Variants in LIMCH1 observed in about 807,000 individuals in gnomAD.
LIMCH1 encodes the protein LIM and calponin homology domains-containing protein 1.
Under a neutral mutation model 176.5 loss-of-function variants are expected in LIMCH1, and 113 were observed. The observed-to-expected ratio is 0.64, with a 90% CI of 0.55 to 0.75. The LOEUF is 0.75. Ranked by LOEUF, LIMCH1 falls within the 30% of genes least tolerant of loss-of-function variation. The pLI is 0.00. For missense variants in LIMCH1, 1,674 were observed against 1,814.9 expected, an observed-to-expected ratio of 0.92 and a Z score of 1.41; for synonymous variants, 619 against 645.9, an observed-to-expected ratio of 0.96 and a Z score of 0.63.
At chr4:41,621,283 T>C (rs746374390) in intron 7 of LIMCH1, among the ~76,000 whole-genome samples, 1 of 152,174 alleles carries the variant, frequency 6.6e-6, no homozygotes, top group Admixed American at 6.5e-5. Flanking sequence ...CCAGTCCTGA[T>C]AGCTTCATAT....
intron 1 of LIMCH1, among the ~76,000 whole-genome samples, chr4:41,566,155 A>G (rs891015381): frequency 6.6e-6 from 1 of 152,182 alleles, no homozygotes; most frequent in African/African-American, 2.4e-5. Flanking sequence ...ATGGGTGGTC[A>G]TGTCACATTG....
chr4:41,561,759 A>T (rs1324748260), intron 1 of LIMCH1, among the ~76,000 whole-genome samples: 1 of 152,216 alleles, frequency 6.6e-6, no homozygotes, highest in Non-Finnish European at 1.5e-5. Flanking sequence ...GAATTTGATC[A>T]AAAAGAGACT....
chr4:41,699,904 A>G lies in LIMCH1; in HGVS notation c.*2719A>G, dbSNP rs1490409441. The G allele has an allele frequency of 1.3e-5, 2 of 152,242 alleles. No homozygotes were observed. The highest frequency in any genetic ancestry group is 2.9e-5 in the Non-Finnish European group (2 of 68,028). 9.4% of individuals were successfully genotyped at this position (152,242 alleles called of 1,614,324 possible). ...ACTGCTCTGGGTGGGCCAGTGTTCT[A>G]TATCGGTTATACTAACTTTCATTTA... On this transcript the variant is annotated 3_prime_UTR_variant, in exon 32 of 32. Transcript: ENST00000503057.
intron 13 of LIMCH1, among the ~76,000 whole-genome samples, chr4:41,638,435 C>T (rs771180935): frequency 1.3e-5 from 2 of 152,134 alleles, no homozygotes; most frequent in South Asian, 2.1e-4. Context: ...CAGAAAACTG[C>T]AGAAACACTC....
At chr4:41,641,721 G>C (rs1188996478) in intron 14 of LIMCH1, among the ~76,000 whole-genome samples, 2 of 152,182 alleles carry the variant, frequency 1.3e-5, no homozygotes, top group Non-Finnish European at 2.9e-5. Flanking sequence ...AGTTTTGGCT[G>C]CACCCCATCA....
At chr4:41,397,207 T>G (rs927624325) in intron 1 of LIMCH1, among the ~76,000 whole-genome samples, 2 of 152,186 alleles carry the variant, frequency 1.3e-5, no homozygotes, top group Non-Finnish European at 2.9e-5. Context: ...CTTTGGTCAT[T>G]GCTGTGTCTG....
At chr4:41,433,970 C>T (rs1481380638) in intron 1 of LIMCH1, among the ~76,000 whole-genome samples, 3 of 152,114 alleles carry the variant, frequency 2.0e-5, no homozygotes, top group Non-Finnish European at 4.4e-5. Flanking sequence ...AGAGTTTTGT[C>T]CCACTTTCTT....
At chr4:41,636,027 C>T (rs1053699320) in intron 13 of LIMCH1, among the ~76,000 whole-genome samples, 4 of 152,172 alleles carry the variant, frequency 2.6e-5, no homozygotes, top group African/African-American at 9.7e-5. Context: ...CCACCTCAGC[C>T]TCCCAAGTAG....
At chr4:41,612,486 G>T (rs1482724015) in intron 4 of LIMCH1, 3 of 701,180 alleles carry the variant, frequency 4.3e-6, no homozygotes, top group Non-Finnish European at 5.2e-6. Context: ...CAGTCTGGAT[G>T]ATATTAAATT....
At chr4:41,464,988 G>A (rs755758014) in intron 1 of LIMCH1, among the ~76,000 whole-genome samples, 1 of 151,858 alleles carries the variant, frequency 6.6e-6, no homozygotes, top group Non-Finnish European at 1.5e-5. Context: ...TGCAATGGTC[G>A]TGCCTCTCAT....
At chr4:41,691,217 A>G (rs1230605501) in intron 30 of LIMCH1, among the ~76,000 whole-genome samples, 2 of 152,108 alleles carry the variant, frequency 1.3e-5, no homozygotes, top group Non-Finnish European at 2.9e-5. Context: ...AGCTTATGAC[A>G]TAATTTGGAT....
chr4:41,542,807 A>G (rs1276831764), intron 1 of LIMCH1, among the ~76,000 whole-genome samples: 1 of 152,208 alleles, frequency 6.6e-6, no homozygotes, highest in Non-Finnish European at 1.5e-5. Context: ...AAGTGCAGGT[A>G]TCTACAGTAA....
chr4:41,454,388 TTA>T (rs2154148712), intron 1 of LIMCH1, among the ~76,000 whole-genome samples: 1 of 152,266 alleles, frequency 6.6e-6, no homozygotes, highest in East Asian at 1.9e-4. Flanking sequence ...GAAAAAAATT[TTA>T]TGTTTGCTAA....
chr4:41,560,425 G>A (rs1188859926), intron 1 of LIMCH1, among the ~76,000 whole-genome samples: 1 of 152,140 alleles, frequency 6.6e-6, no homozygotes, highest in Non-Finnish European at 1.5e-5. Flanking sequence ...ATAAGCATAA[G>A]GGCACAGTGG....
At chr4:41,384,379 T>A (rs1459392160) in intron 1 of LIMCH1, among the ~76,000 whole-genome samples, 1 of 151,944 alleles carries the variant, frequency 6.6e-6, no homozygotes, top group Non-Finnish European at 1.5e-5. Context: ...TATTTTTTTT[T>A]TTTTATTTTT....
chr4:41,386,307 G>A (rs1052330809), intron 1 of LIMCH1, among the ~76,000 whole-genome samples: 19 of 152,186 alleles, frequency 1.2e-4, no homozygotes, highest in African/African-American at 4.3e-4. Context: ...GAAGTGCTCA[G>A]GCATAGATCC....
At chr4:41,390,429 G>A (rs75522574) in intron 1 of LIMCH1, among the ~76,000 whole-genome samples, 3,428 of 152,246 alleles carry the variant, frequency 0.023, 127 homozygotes, top group African/African-American at 0.079. Context: ...CTCATGTAGT[G>A]CGTAAGGTCT....
intron 1 of LIMCH1, among the ~76,000 whole-genome samples, chr4:41,553,104 G>A (rs112333630): frequency 1.3e-5 from 2 of 152,192 alleles, no homozygotes; most frequent in Non-Finnish European, 2.9e-5. Flanking sequence ...CCCTTCTGGA[G>A]TGATGGCCAG....
At chr4:41,414,362 G>A (rs1039662075) in intron 1 of LIMCH1, among the ~76,000 whole-genome samples, 5 of 151,956 alleles carry the variant, frequency 3.3e-5, no homozygotes, top group Admixed American at 1.3e-4. Context: ...TTAAAAAACC[G>A]TTATCCCGAT....
Sources: allele counts gnomAD v4.1 joint callset (sites outside exome capture counted in the v4.1 genomes callset), GRCh38; gene constraint gnomAD v4.1.1; transcripts MANE v1.5; gene names NCBI Gene and HGNC (gene_info 2026-07-23, HGNC 2026-07-21).